Variants in ATIC observed in about 807,000 individuals in gnomAD.
ATIC encodes the protein bifunctional purine biosynthesis protein ATIC.
Under a neutral mutation model 72.5 loss-of-function variants are expected in ATIC, and 64 were observed. That is an observed-to-expected ratio of 0.88 (90% CI 0.72 to 1.09). The LOEUF (loss-of-function observed/expected upper bound fraction) is 1.09. Among genes scored for constraint, ATIC ranks in the 50% least tolerant of loss-of-function variants. The pLI is 0.00. For missense variants in ATIC, 787 were observed against 732.4 expected, an observed-to-expected ratio of 1.07 and a Z score of -0.86; for synonymous variants, 281 against 267.1, an observed-to-expected ratio of 1.05 and a Z score of -0.51.
chr2:215,357,248 G>C, the ATIC span, among the ~76,000 whole-genome samples: 1 of 152,162 alleles, frequency 6.6e-6, no homozygotes, highest in Non-Finnish European at 1.5e-5. Flanking sequence ...AAAGTACCAA[G>C]TTGCAAAGGG....
the ATIC span, chr2:215,365,364 A>G: frequency 1.1e-6 from 1 of 937,138 alleles, no homozygotes. Context: ...CCACTTTCCC[A>G]AATCAAAAGA....
intron 12 of ATIC, among the ~76,000 whole-genome samples, chr2:215,342,687 T>C (rs1559278677): frequency 6.6e-6 from 1 of 152,230 alleles, no homozygotes; most frequent in Non-Finnish European, 1.5e-5. Context: ...ATAAGGTTTT[T>C]GTCTTTTGGG....
At position 215,325,238 on chromosome 2, in the gene ATIC, T is replaced by C. The variant is rs2052810105; in HGVS notation, c.291-3T>C. ...GACAGCCAGATTCGTCTTTGTTTTATAGAGTTGTTGCCTGCAATCTCTATC... is the reference window on the plus strand; with the variant it reads ...GACAGCCAGATTCGTCTTTGTTTTACAGAGTTGTTGCCTGCAATCTCTATC... On this transcript the variant is annotated splice_region_variant and splice_polypyrimidine_tract_variant and intron_variant, in intron 4 of 15. Coordinates refer to ENST00000236959, the MANE Select transcript of ATIC (RefSeq NM_004044.7). 2 of 1,612,514 alleles carry C rather than the reference T, an allele frequency of 1.2e-6. No homozygotes were observed. The highest frequency in any genetic ancestry group is 2.2e-5 in the South Asian group (2 of 91,024).
intron 14 of ATIC, 180 bp downstream of exon 14, chr2:215,347,121 C>G (rs2053080131): frequency 2.3e-6 from 2 of 851,748 alleles, no homozygotes; most frequent in Admixed American, 2.4e-5. Flanking sequence ...TCTCATGTAA[C>G]TTTCTTCATT....
chr2:215,318,014 A>G, intron 2 of ATIC, 143 bp from the exon 3 acceptor site: 2 of 718,730 alleles, frequency 2.8e-6, no homozygotes, highest in Non-Finnish European at 4.8e-6. Flanking sequence ...GAAATAAAAT[A>G]TAGTGAAATA....
At chr2:215,321,000 C>T (rs1029995805) in intron 4 of ATIC, among the ~76,000 whole-genome samples, 20 of 152,176 alleles carry the variant, frequency 1.3e-4, no homozygotes, top group African/African-American at 4.8e-4. Flanking sequence ...CACCAGGCCC[C>T]ACCTCCAACA....
At chr2:215,339,050 C>A in intron 12 of ATIC, 143 bp downstream of exon 12, 1 of 1,174,448 alleles carries the variant, frequency 8.5e-7, no homozygotes, top group Non-Finnish European at 1.2e-6. Context: ...TGAGTTGTCA[C>A]ATAAGCTTTG....
intron 4 of ATIC, chr2:215,325,036 T>C: frequency 1.9e-6 from 1 of 528,444 alleles, no homozygotes; most frequent in Non-Finnish European, 3.4e-6. Context: ...ACCTGCTGAC[T>C]AAATTACCTC....
chr2:215,359,922 A>G, the ATIC span, among the ~76,000 whole-genome samples: 3 of 152,014 alleles, frequency 2.0e-5, no homozygotes, highest in African/African-American at 7.2e-5. Flanking sequence ...ACTATTTACT[A>G]TTCTGAATGT....
chr2:215,328,089 G>T (rs143086749), intron 7 of ATIC, among the ~76,000 whole-genome samples: 2,239 of 151,816 alleles, frequency 0.015, 50 homozygotes, highest in African/African-American at 0.051. Flanking sequence ...GGCCAGGCTG[G>T]TCTCAAACTC....
chr2:215,326,871 G>A lies in ATIC; in HGVS notation c.581G>A (p.Arg194Lys). ...QYDEAISDYF[R>K]KQYSKGVSQM... ...GATGAAGCAATTTCAGATTATTTCA[G>A]GAAACAGTACAGCAAAGGCGTATCT... The change falls in exon 7 of 16, where the codon AGG (arginine) becomes AAG (lysine). Residue 194 changes from arginine (R) to lysine (K), a missense_variant. By Grantham distance (26) the Arg-to-Lys change is conservative. Transcript: ENST00000236959. The A allele has an allele frequency of 6.2e-7, 1 of 1,614,098 alleles. No homozygotes were observed. The highest frequency in any genetic ancestry group is 8.5e-7 in the Non-Finnish European group (1 of 1,180,028).
the ATIC span, chr2:215,360,852 G>GAACTT: frequency 1.1e-3 from 172 of 152,712 alleles, no homozygotes; most frequent in African/African-American, 3.8e-3. Context: ...TCAAATAGAT[G>GAACTT]AACTTCAAGT....
At chr2:215,365,290 G>C in the ATIC span, among the ~76,000 whole-genome samples, 1 of 152,116 alleles carries the variant, frequency 6.6e-6, no homozygotes, top group Admixed American at 6.6e-5. Context: ...AAATACTCAG[G>C]TTGGACAAGT....
intron 4 of ATIC, among the ~76,000 whole-genome samples, chr2:215,321,806 T>C (rs1412504308): frequency 6.6e-6 from 1 of 152,254 alleles, no homozygotes; most frequent in Non-Finnish European, 1.5e-5. Flanking sequence ...TGTCCATTTT[T>C]AGTTGAGGTA....
At chr2:215,319,597 T>C in intron 3 of ATIC, 68 bp from the exon 4 acceptor site, 1 of 1,178,112 alleles carries the variant, frequency 8.5e-7, no homozygotes, top group Admixed American at 1.7e-5. Context: ...AGACACTATG[T>C]TGAAAGACAT....
Position 215,312,515 on chromosome 2 carries a change from G to T in ATIC, c.37G>T (p.Asp13Tyr). The change falls in exon 2 of 16, where the codon GAC (aspartate) becomes TAC (tyrosine). Residue 13 changes from aspartate (D) to tyrosine (Y), a missense_variant. Coordinates refer to ENST00000236959, the MANE Select transcript of ATIC (RefSeq NM_004044.7). Reference protein sequence around the residue: ...PGQLALFSVSDKTGLVEFARN... With the variant: ...PGQLALFSVSYKTGLVEFARN... ...TCTTTCAGCCTTATTTAGTGTCTCTGACAAAACCGGCCTTGTGGAATTTGC... is the reference window on the plus strand; with the variant it reads ...TCTTTCAGCCTTATTTAGTGTCTCTTACAAAACCGGCCTTGTGGAATTTGC... The T allele has an allele frequency of 6.2e-7, 1 of 1,614,212 alleles. No individual in the cohort carries two copies. The highest frequency in any genetic ancestry group is 1.1e-5 in the South Asian group (1 of 91,082).
At chr2:215,320,969 C>G (rs12620277) in intron 4 of ATIC, among the ~76,000 whole-genome samples, 20,611 of 152,128 alleles carry the variant, frequency 0.14, 1,792 homozygotes, top group East Asian at 0.26. Context: ...AAGGGATCTC[C>G]CCCGTGACCC....
At chr2:215,368,014 C>T in the ATIC span, 1 of 1,614,118 alleles carries the variant, frequency 6.2e-7, no homozygotes, top group Non-Finnish European at 8.5e-7. Flanking sequence ...TAGGTTGGTT[C>T]AAGCCTTCGT....
At chr2:215,312,682 G>T in intron 2 of ATIC, 58 bp downstream of exon 2, 1 of 1,612,978 alleles carries the variant, frequency 6.2e-7, no homozygotes, top group South Asian at 1.1e-5. Flanking sequence ...AGGAAGTATT[G>T]TATTCCAGGC....
Sources: gnomAD v4.1 joint callset for allele counts (sites outside exome capture counted in the v4.1 genomes callset) on GRCh38, gnomAD v4.1.1 for gene constraint, MANE v1.5 for transcripts, NCBI Gene and HGNC (gene_info 2026-07-23, HGNC 2026-07-21) for gene names.